ZMYND12: variants seen among roughly 807,000 people sequenced by gnomAD.
The protein encoded by ZMYND12 is zinc finger MYND domain-containing protein 12.
In ZMYND12, 32 loss-of-function variants were observed where a neutral mutation model predicts 41.7. The observed-to-expected ratio is 0.77, with a 90% CI of 0.58 to 1.03. The LOEUF (loss-of-function observed/expected upper bound fraction) is 1.03. Ranked by LOEUF, ZMYND12 falls within the 50% of genes least tolerant of loss-of-function variation. The probability of loss-of-function intolerance (pLI) is 0.00; values close to 1 mark genes in which losing one functional copy is unlikely to be tolerated. For synonymous variants in ZMYND12, 148 were observed against 164.8 expected, an observed-to-expected ratio of 0.90 and a Z score of 0.78; for missense variants, 424 against 438.5, an observed-to-expected ratio of 0.97 and a Z score of 0.30.
intron 7 of ZMYND12, 121 bp downstream of exon 7, chr1:42,433,022 T>C: frequency 5.5e-6 from 7 of 1,268,188 alleles, no homozygotes; most frequent in Non-Finnish European, 6.7e-6. Flanking sequence ...TGAACCTCTT[T>C]GGAGTGAGGG....
chr1:42,437,927 C>A (rs140254146), intron 4 of ZMYND12, among the ~76,000 whole-genome samples: 2 of 152,322 alleles, frequency 1.3e-5, no homozygotes, highest in East Asian at 1.9e-4. Flanking sequence ...CCGCCCATCT[C>A]GGCCTCCCAG....
Position 42,433,139 on chromosome 1 carries a change from T to C in ZMYND12, c.975+4A>G. 1 of 1,605,008 alleles carries C rather than the reference T, an allele frequency of 6.2e-7. No individual in the cohort carries two copies. Reference sequence around the variant, plus strand: ...AGACGTGTTGCTTTTTTAGGGAAACTTGCCTTTGAAGAATTCATCATCAGG... The same window carrying C: ...AGACGTGTTGCTTTTTTAGGGAAACCTGCCTTTGAAGAATTCATCATCAGG... On this transcript the variant is annotated splice_donor_region_variant and intron_variant, in intron 7 of 7. Coordinates refer to ENST00000372565, the MANE Select transcript of ZMYND12 (RefSeq NM_032257.5).
At position 42,430,682 on chromosome 1, in the gene ZMYND12, T is replaced by TGG. The variant is rs1642837586; in HGVS notation, c.*53_*54insCC. 1 of 1,603,046 alleles carries TGG rather than the reference T, an allele frequency of 6.2e-7. No individual in the cohort carries two copies. The highest frequency in any genetic ancestry group is 1.1e-5 in the South Asian group (1 of 90,688). On this transcript the variant is annotated 3_prime_UTR_variant, in exon 8 of 8. Transcript: ENST00000372565. The stretch of plus-strand genomic sequence containing the variant: ...AAAGCAGTTGTGCAAGGCTGGAATA[T>TGG]ATTAGATCTTCAGTAGCCCCTGGAA...
At chr1:42,442,833 T>C (rs1169463522) in intron 3 of ZMYND12, among the ~76,000 whole-genome samples, 3 of 152,140 alleles carry the variant, frequency 2.0e-5, no homozygotes, top group African/African-American at 4.8e-5. Flanking sequence ...CTTTGCCTGA[T>C]GGAAGGTCAA....
At chr1:42,454,453 C>T (rs966904508) in intron 1 of ZMYND12, among the ~76,000 whole-genome samples, 1 of 152,204 alleles carries the variant, frequency 6.6e-6, no homozygotes, top group Non-Finnish European at 1.5e-5. Context: ...AGGAAGGACA[C>T]CTAGGCCAGT....
At chr1:42,443,587 G>A (rs1642991673) in intron 3 of ZMYND12, among the ~76,000 whole-genome samples, 1 of 152,178 alleles carries the variant, frequency 6.6e-6, no homozygotes, top group South Asian at 2.1e-4. Context: ...GGTTGTGGCT[G>A]TGAGGTGCCC....
At chr1:42,449,780 G>C in intron 2 of ZMYND12, 138 bp downstream of exon 2, 4 of 990,530 alleles carry the variant, frequency 4.0e-6, no homozygotes, top group Non-Finnish European at 5.8e-6. Context: ...GGATGGTGTT[G>C]AGGACTTAAA....
intron 4 of ZMYND12, 127 bp from the exon 5 acceptor site, chr1:42,436,670 T>A (rs994765866): frequency 8.9e-7 from 1 of 1,124,706 alleles, no homozygotes; most frequent in Non-Finnish European, 1.2e-6. Flanking sequence ...GGGCAAAAGA[T>A]CTGAATTGAC....
chr1:42,447,274 A>T (rs1051721290), intron 3 of ZMYND12, among the ~76,000 whole-genome samples: 1 of 152,218 alleles, frequency 6.6e-6, no homozygotes, highest in African/African-American at 2.4e-5. Context: ...TCACCTCTGT[A>T]CTGTTTTTGC....
At chr1:42,435,176 T>C (rs1642893396) in intron 6 of ZMYND12, 98 bp downstream of exon 6, 2 of 918,380 alleles carry the variant, frequency 2.2e-6, no homozygotes, top group Admixed American at 3.7e-5. Flanking sequence ...AATGGTGTGC[T>C]TCATGACAGG....
chr1:42,436,193 G>A (rs762575173), intron 5 of ZMYND12, among the ~76,000 whole-genome samples: 1 of 152,106 alleles, frequency 6.6e-6, no homozygotes, highest in Non-Finnish European at 1.5e-5. Flanking sequence ...TTCATTATTC[G>A]TTAATCACCC....
intron 3 of ZMYND12, among the ~76,000 whole-genome samples, chr1:42,446,838 A>G (rs1485753733): frequency 6.6e-6 from 1 of 152,138 alleles, no homozygotes; most frequent in African/African-American, 2.4e-5. Flanking sequence ...TTCCACTGAA[A>G]GAGATCAGGG....
At chr1:42,450,874 T>C (rs1000922271) in intron 1 of ZMYND12, among the ~76,000 whole-genome samples, 1 of 152,232 alleles carries the variant, frequency 6.6e-6, no homozygotes, top group African/African-American at 2.4e-5. Context: ...TATTTCTACA[T>C]ATTTGTAAAT....
intron 7 of ZMYND12, 82 bp downstream of exon 7, chr1:42,433,061 T>A: frequency 6.4e-7 from 1 of 1,570,682 alleles, no homozygotes; most frequent in Non-Finnish European, 8.7e-7. Context: ...GCTATTGGAA[T>A]TGGGCAAAAC....
At chr1:42,447,533 T>C (rs1022657591) in intron 3 of ZMYND12, among the ~76,000 whole-genome samples, 1 of 152,188 alleles carries the variant, frequency 6.6e-6, no homozygotes, top group Non-Finnish European at 1.5e-5. Flanking sequence ...GGGGTCTTCT[T>C]AGATGACAGG....
chr1:42,450,762 C>T (rs1282916526), intron 1 of ZMYND12, among the ~76,000 whole-genome samples: 4 of 152,096 alleles, frequency 2.6e-5, no homozygotes, highest in Admixed American at 2.6e-4. Context: ...ACTGCTTTGC[C>T]AGCATCTAAG....
At chr1:42,444,481 T>C (rs72950549) in intron 3 of ZMYND12, among the ~76,000 whole-genome samples, 27,535 of 152,186 alleles carry the variant, frequency 0.18, 2,727 homozygotes, top group African/African-American at 0.24. Flanking sequence ...ATTTAGACAG[T>C]ACTTTCCAGA....
At chr1:42,455,850 G>A (rs2148413779) in intron 1 of ZMYND12, 38 bp downstream of exon 1, 2 of 1,484,934 alleles carry the variant, frequency 1.3e-6, no homozygotes, top group Non-Finnish European at 9.3e-7. Flanking sequence ...AGAGAGGGAG[G>A]GAGTTATAGC....
At chr1:42,437,893 C>T (rs1642925373) in intron 4 of ZMYND12, among the ~76,000 whole-genome samples, 1 of 152,238 alleles carries the variant, frequency 6.6e-6, no homozygotes, top group African/African-American at 2.4e-5. Flanking sequence ...TCAGGCTGAT[C>T]TAGAACTCCT....
Sources: gnomAD v4.1 joint callset for allele counts (sites outside exome capture counted in the v4.1 genomes callset) on GRCh38, gnomAD v4.1.1 for gene constraint, MANE v1.5 for transcripts, NCBI Gene and HGNC (gene_info 2026-07-23, HGNC 2026-07-21) for gene names.